ADAMTS9: variants seen among roughly 807,000 people sequenced by gnomAD.
ADAMTS9 encodes the protein ADAM metallopeptidase with thrombospondin type 1 motif 9.
Under a neutral mutation model 257.1 loss-of-function variants are expected in ADAMTS9, and 107 were observed. The observed-to-expected ratio is 0.42, with a 90% CI of 0.36 to 0.49. The LOEUF (loss-of-function observed/expected upper bound fraction) is 0.49, where lower values mean the gene tolerates loss of function less well. Ranked by LOEUF, ADAMTS9 falls within the 20% of genes least tolerant of loss-of-function variation. ADAMTS9 has a pLI of 0.03. For synonymous variants in ADAMTS9, 982 were observed against 880.9 expected (o/e 1.11, Z -2.03); for missense variants, 2,353 against 2,469.1 (o/e 0.95, Z 1.00).
chr3:64,631,695 T>A (rs13079218), intron 15 of ADAMTS9, 113 bp downstream of exon 15: 1 of 1,205,290 alleles, frequency 8.3e-7, no homozygotes, highest in African/African-American at 1.5e-5. Flanking sequence ...TAATCCACCA[T>A]AACGAGACTG....
intron 12 of ADAMTS9, 24 bp downstream of exon 12, chr3:64,641,824 A>G: frequency 6.2e-7 from 1 of 1,610,272 alleles, no homozygotes; most frequent in Non-Finnish European, 8.5e-7. Context: ...GGCAGTAATA[A>G]CAGTTATACA....
intron 3 of ADAMTS9, among the ~76,000 whole-genome samples, chr3:64,659,225 T>C (rs113645883): frequency 0.016 from 2,489 of 152,244 alleles, 67 homozygotes; most frequent in African/African-American, 0.056. Context: ...CCCAGCACTT[T>C]GGGAGGCCGA....
chr3:64,664,127 CAA>C (rs1468774646), intron 3 of ADAMTS9, among the ~76,000 whole-genome samples: 1 of 152,132 alleles, frequency 6.6e-6, no homozygotes, highest in Non-Finnish European at 1.5e-5. Context: ...CAGGAATTTG[CAA>C]AGTCACTTTG....
At chr3:64,574,778 C>G (rs1285620518) in intron 28 of ADAMTS9, among the ~76,000 whole-genome samples, 2 of 152,000 alleles carry the variant, frequency 1.3e-5, no homozygotes, top group Non-Finnish European at 2.9e-5. Context: ...AATCCTTAAG[C>G]TACACTGGAA....
intron 28 of ADAMTS9, among the ~76,000 whole-genome samples, chr3:64,581,504 C>A (rs192353332): frequency 1.3e-5 from 2 of 152,244 alleles, no homozygotes; most frequent in Admixed American, 1.3e-4. Flanking sequence ...CTCAAGCAAA[C>A]CACCTGCCTT....
At chr3:64,671,722 A>G (rs1559821715) in intron 3 of ADAMTS9, among the ~76,000 whole-genome samples, 1 of 152,214 alleles carries the variant, frequency 6.6e-6, no homozygotes, top group Non-Finnish European at 1.5e-5. Flanking sequence ...TCACATGTGC[A>G]TACCACATCA....
chr3:64,633,885 A>T lies in ADAMTS9; in HGVS notation c.1857-6T>A. On this transcript the variant is annotated splice_region_variant and splice_polypyrimidine_tract_variant and intron_variant, in intron 12 of 39. Transcript: ENST00000498707. ...ATTTTCCACCATTTTTTGGTCTGAA[A>T]AAGAAAAAATGTGAAGAGCACACAC... The T allele has an allele frequency of 6.2e-7, 1 of 1,609,650 alleles. No homozygotes were observed.
At chr3:64,615,836 C>T in intron 20 of ADAMTS9, 124 bp downstream of exon 20, 1 of 1,136,318 alleles carries the variant, frequency 8.8e-7, no homozygotes, top group Admixed American at 1.8e-5. Context: ...TGGGGTCAGG[C>T]ATTACAAATC....
intron 28 of ADAMTS9, among the ~76,000 whole-genome samples, chr3:64,576,946 C>T (rs145612181): frequency 3.2e-4 from 49 of 152,294 alleles, no homozygotes; most frequent in African/African-American, 1.0e-3. Context: ...CCCACCCCAA[C>T]GCCCCCAGGA....
intron 4 of ADAMTS9, 141 bp downstream of exon 4, chr3:64,658,361 T>C (rs935353964): frequency 4.8e-5 from 42 of 877,140 alleles, no homozygotes; most frequent in Admixed American, 2.9e-5. Flanking sequence ...AACCAACAAA[T>C]AATCTTATGT....
At chr3:64,540,595 G>A (rs952332620) in intron 36 of ADAMTS9, among the ~76,000 whole-genome samples, 1 of 152,152 alleles carries the variant, frequency 6.6e-6, no homozygotes, top group Non-Finnish European at 1.5e-5. Flanking sequence ...TGTTGCCCAT[G>A]AATTTCTTGG....
Position 64,649,780 on chromosome 3 carries a change from TACGGAAACAC to T in ADAMTS9, c.1464-12_1464-3del, listed in dbSNP as rs1408544865. 11 of 1,612,166 alleles carry T rather than the reference TACGGAAACAC, an allele frequency of 6.8e-6. No homozygotes were observed. The highest frequency in any genetic ancestry group is 9.3e-6 in the Non-Finnish European group (11 of 1,179,190). On this transcript the variant is annotated splice_region_variant and splice_polypyrimidine_tract_variant and intron_variant, in intron 9 of 39. Transcript: ENST00000498707. ...AGCAAACACTCGCCATAACCAGTGCTACGGAAACACACAGAAACACACAGATGGTGAGAAC... is the reference window on the plus strand; with the variant it reads ...AGCAAACACTCGCCATAACCAGTGCTACAGAAACACACAGATGGTGAGAAC...
At chr3:64,563,355 A>G (rs1309154037) in intron 29 of ADAMTS9, 1 of 152,228 alleles carries the variant, frequency 6.6e-6, no homozygotes, top group Non-Finnish European at 1.5e-5. Flanking sequence ...GGGGTCTTAA[A>G]TATAAAAGAG....
intron 12 of ADAMTS9, among the ~76,000 whole-genome samples, chr3:64,637,957 G>A (rs9811467): frequency 0.52 from 79,065 of 152,026 alleles, 21,450 homozygotes; most frequent in African/African-American, 0.69. Context: ...GAGTGCCTCA[G>A]AAAAAGCCTT....
chr3:64,654,292 G>T, intron 8 of ADAMTS9, 61 bp downstream of exon 8: 1 of 1,488,246 alleles, frequency 6.7e-7, no homozygotes, highest in Non-Finnish European at 9.2e-7. Context: ...GCTCACTGAT[G>T]CGAAGGAATA....
chr3:64,599,739 G>A lies in ADAMTS9; in HGVS notation c.4017+2205C>T, dbSNP rs563030205. On this transcript the variant is annotated intron_variant, in intron 26 of 39. Coordinates refer to ENST00000498707, the MANE Select transcript of ADAMTS9 (RefSeq NM_182920.2). ...TAGTTACCCCTCTATCTAGATCAAG[G>A]GTTGGCAAGCCACAGCCCAAAGACC... Among the ~76,000 whole-genome samples, 3 of 152,272 alleles carry A rather than the reference G, an allele frequency of 2.0e-5. No homozygotes were observed. The East Asian group carries it at 5.8e-4, about 29-fold the overall frequency.
intron 21 of ADAMTS9, among the ~76,000 whole-genome samples, chr3:64,614,461 T>G (rs2084723515): frequency 6.6e-6 from 1 of 152,218 alleles, no homozygotes. Flanking sequence ...AATAAGCAGT[T>G]AATACTGCAC....
intron 27 of ADAMTS9, among the ~76,000 whole-genome samples, chr3:64,595,637 A>G (rs2084351591): frequency 6.6e-6 from 1 of 152,168 alleles, no homozygotes; most frequent in African/African-American, 2.4e-5. Context: ...CCTTCAACAA[A>G]GCTCTCCAGA....
chr3:64,641,708 T>C (rs1402604235), intron 12 of ADAMTS9, 140 bp downstream of exon 12: 30 of 1,028,218 alleles, frequency 2.9e-5, no homozygotes, highest in Non-Finnish European at 4.1e-5. Context: ...TTGGGTACCG[T>C]GGGTCTAAGC....
Sources: gnomAD v4.1 joint callset for allele counts (sites outside exome capture counted in the v4.1 genomes callset) on GRCh38, gnomAD v4.1.1 for gene constraint, MANE v1.5 for transcripts, NCBI Gene and HGNC (gene_info 2026-07-23, HGNC 2026-07-21) for gene names.